Variants in ZNF169 observed in about 807,000 individuals in gnomAD.
ZNF169 encodes the protein zinc finger protein 169.
A neutral mutation model predicts 12.0 loss-of-function variants in ZNF169; 11 were observed. That is an observed-to-expected ratio of 0.92 (90% confidence interval 0.58 to 1.52). ZNF169 has a LOEUF of 1.52. Ranked by LOEUF, ZNF169 falls within the 40% of genes most tolerant of loss-of-function variation. ZNF169 has a pLI of 0.00. For missense variants in ZNF169, 722 were observed against 744.0 expected (o/e 0.97, Z 0.34); for synonymous variants, 302 against 286.5 (o/e 1.05, Z -0.55).
At chr9:94,293,360 G>C (rs1830887451) in intron 4 of ZNF169, 1 of 597,060 alleles carries the variant, frequency 1.7e-6, no homozygotes, top group Non-Finnish European at 3.0e-6. Context: ...TGGTTGGCAT[G>C]ATCTTCAAAA....
chr9:94,299,869 C>T lies in ZNF169; in HGVS notation c.311C>T (p.Ser104Leu), dbSNP rs546667553. 10 of 1,614,094 alleles carry T rather than the reference C, an allele frequency of 6.2e-6. No homozygotes were observed. In the African/African-American group the frequency reaches 6.7e-5, roughly 11 times the overall value. ...CCCCACCTGGTGGCCTTTTCTAGCTCGCAGCTCCTCAGACAATATGCGCTA... is the reference window on the plus strand; with the variant it reads ...CCCCACCTGGTGGCCTTTTCTAGCTTGCAGCTCCTCAGACAATATGCGCTA... ...SFPHLVAFSS[S>L]QLLRQYALSG... is the part of the protein sequence containing the mutation. The change falls in exon 5 of 5, where the codon TCG (serine) becomes TTG (leucine). Residue 104 changes from serine (S) to leucine (L), a missense_variant. Ser to Leu is a moderately radical substitution (Grantham distance 145). Transcript: ENST00000395395.
At chr9:94,273,579 C>CTTTT (rs56165942) in intron 1 of ZNF169, among the ~76,000 whole-genome samples, 12 of 119,162 alleles carry the variant, frequency 1.0e-4, no homozygotes, top group Admixed American at 2.0e-4. Flanking sequence ...TTCTTTCTTT[C>CTTTT]TTTTTTTTTT....
Position 94,300,485 on chromosome 9 carries a change from G to A in ZNF169, c.927G>A (p.Lys309=). 1 of 1,614,208 alleles carries A rather than the reference G, an allele frequency of 6.2e-7. No individual in the cohort carries two copies. Among genetic ancestry groups the A allele is most frequent in the Middle Eastern group, 1.6e-4 (1 of 6,062 alleles). Residue 309 remains lysine (K), a synonymous_variant, in exon 5 of 5, where the codon AAG becomes AAA. Transcript: ENST00000395395. ...ATACATCCTCTCTCACTAATCACAA[G>A]AGGATTCACTCCGGGGAGAGGCCCT... The part of the protein sequence containing the change: ...FRYTSSLTNH[K]RIHSGERPFV...
At chr9:94,269,249 C>G (rs1026973322) in intron 1 of ZNF169, among the ~76,000 whole-genome samples, 1 of 152,136 alleles carries the variant, frequency 6.6e-6, no homozygotes, top group African/African-American at 2.4e-5. Flanking sequence ...AACTCAAAAC[C>G]TGATCTCAAC....
intron 1 of ZNF169, among the ~76,000 whole-genome samples, chr9:94,264,500 A>G (rs1830257357): frequency 6.6e-6 from 1 of 152,176 alleles, no homozygotes; most frequent in South Asian, 2.1e-4. Flanking sequence ...AACGTTATTT[A>G]TCGTTTCTGG....
chr9:94,298,059 C>T (rs1056117359), intron 4 of ZNF169, among the ~76,000 whole-genome samples: 2 of 151,728 alleles, frequency 1.3e-5, no homozygotes, highest in Non-Finnish European at 2.9e-5. Context: ...CCCAGCTACT[C>T]AGGAGGCTGA....
intron 1 of ZNF169, among the ~76,000 whole-genome samples, chr9:94,266,177 A>G (rs757919444): frequency 4.6e-5 from 7 of 152,168 alleles, no homozygotes; most frequent in Middle Eastern, 6.8e-3. Context: ...CTTTTGTTAC[A>G]TCCTAGCCTT....
chr9:94,288,584 A>G (rs1386786813), intron 2 of ZNF169: 1 of 437,292 alleles, frequency 2.3e-6, no homozygotes, highest in Admixed American at 3.0e-5. Flanking sequence ...GCTCAGAGGC[A>G]GCTATGACAG....
At chr9:94,277,754 A>AC (rs1467373788) in intron 1 of ZNF169, among the ~76,000 whole-genome samples, 4 of 151,502 alleles carry the variant, frequency 2.6e-5, no homozygotes, top group Non-Finnish European at 4.4e-5. Context: ...ACACAGTGAA[A>AC]CCCCGTCTCT....
At chr9:94,273,666 G>A (rs1382759808) in intron 1 of ZNF169, among the ~76,000 whole-genome samples, 6 of 138,642 alleles carry the variant, frequency 4.3e-5, no homozygotes, top group South Asian at 4.6e-4. Flanking sequence ...TGCCAACTCC[G>A]CCTCCCGGGT....
At chr9:94,295,890 C>G (rs1830940009) in intron 4 of ZNF169, 1 of 152,074 alleles carries the variant, frequency 6.6e-6, no homozygotes, top group Non-Finnish European at 1.5e-5. Flanking sequence ...TGAATAAATA[C>G]CTGGGACTGG....
intron 1 of ZNF169, among the ~76,000 whole-genome samples, chr9:94,275,292 C>A (rs1380798511): frequency 6.6e-6 from 1 of 152,148 alleles, no homozygotes; most frequent in East Asian, 1.9e-4. Context: ...TGCTTTCATA[C>A]CATTATAACG....
At chr9:94,265,998 A>G (rs563822922) in intron 1 of ZNF169, among the ~76,000 whole-genome samples, 1 of 151,170 alleles carries the variant, frequency 6.6e-6, no homozygotes, top group African/African-American at 2.4e-5. Context: ...AGGCAGTAGA[A>G]TTGCCTGAAC....
intron 2 of ZNF169, among the ~76,000 whole-genome samples, chr9:94,289,102 T>C (rs1489890998): frequency 6.6e-6 from 1 of 152,140 alleles, no homozygotes; most frequent in East Asian, 1.9e-4. Context: ...TATACAATTA[T>C]TCAAACTGGT....
Position 94,278,645 on chromosome 9 carries a change from A to G in ZNF169, c.-55-113A>G, listed in dbSNP as rs147497408. The stretch of plus-strand genomic sequence containing the variant: ...ATGGGCTTCACCGATGCCCTCTGCA[A>G]CCTGTCTTTGTTGCTTCCCTGTTCC... On this transcript the variant is annotated intron_variant, in intron 1 of 4. Coordinates refer to ENST00000395395, the MANE Select transcript of ZNF169 (RefSeq NM_194320.4). The G allele has an allele frequency of 5.4e-4, 314 of 579,026 alleles. 2 individuals are homozygous for G. In the African/African-American group the frequency reaches 5.5e-3, roughly 10 times the overall value. The allele number at this position is 579,026 out of a possible 1,614,324, so 35.9% of individuals were successfully genotyped here. A position where few individuals can be genotyped will look rare whatever the true frequency, so the allele number is the denominator to read the frequency against.
intron 1 of ZNF169, among the ~76,000 whole-genome samples, chr9:94,270,857 ATAT>A (rs1830398923): frequency 8.6e-5 from 2 of 23,242 alleles, no homozygotes; most frequent in African/African-American, 1.4e-4. Flanking sequence ...ATATAAATAT[ATAT>A]AATAATATAT....
rs1831065146 is a variant in ZNF169 at position 94,301,142 on chromosome 9, C to T, written c.1584C>T (p.His528=). ...GACAAGGACTTGGCCAGAAGTCACACCTTATCTCTGACCAAAGGACACACT... is the reference window on the plus strand; with the variant it reads ...GACAAGGACTTGGCCAGAAGTCACATCTTATCTCTGACCAAAGGACACACT... ...VCGQGLGQKS[H]LISDQRTHSG... is the part of the protein sequence containing the mutation. The change falls in exon 5 of 5, where the codon CAC becomes CAT. Residue 528 remains histidine (H), a synonymous_variant. Coordinates refer to ENST00000395395, the MANE Select transcript of ZNF169 (RefSeq NM_194320.4). The T allele has an allele frequency of 1.2e-6, 2 of 1,614,206 alleles. No individual in the cohort carries two copies. Among genetic ancestry groups the T allele is most frequent in the Non-Finnish European group, 1.7e-6 (2 of 1,180,050 alleles).
chr9:94,271,718 CAA>C (rs58733917), intron 1 of ZNF169, among the ~76,000 whole-genome samples: 17 of 64,800 alleles, frequency 2.6e-4, no homozygotes, highest in Non-Finnish European at 2.9e-4. Context: ...GACTCTGTCT[CAA>C]AAAAAAAAAA....
At chr9:94,299,301 A>G (rs998432195) in intron 4 of ZNF169, 6 of 398,568 alleles carry the variant, frequency 1.5e-5, no homozygotes, top group African/African-American at 4.1e-5. Flanking sequence ...AGGAGCCAGT[A>G]TCTCTTGCTA....
Sources: gnomAD v4.1 joint callset for allele counts (sites outside exome capture counted in the v4.1 genomes callset) on GRCh38, gnomAD v4.1.1 for gene constraint, MANE v1.5 for transcripts, NCBI Gene and HGNC (gene_info 2026-07-23, HGNC 2026-07-21) for gene names.